PIK3C2B: variants seen among roughly 807,000 people sequenced by gnomAD.
PIK3C2B encodes phosphatidylinositol-4-phosphate 3-kinase catalytic subunit type 2 beta.
Under a neutral mutation model 184.3 loss-of-function variants are expected in PIK3C2B, and 83 were observed. The ratio of observed to expected loss-of-function variants is 0.45; its 90% CI spans 0.38 to 0.54. PIK3C2B has a LOEUF of 0.54. Among genes scored for constraint, PIK3C2B ranks in the 20% least tolerant of loss-of-function variants. The probability of loss-of-function intolerance (pLI) is 0.00; values close to 1 mark genes in which losing one functional copy is unlikely to be tolerated. For synonymous variants in PIK3C2B, 779 were observed against 837.6 expected (o/e 0.93, Z 1.21); for missense variants, 1,736 against 2,113.5 (o/e 0.82, Z 3.50).
At chr1:204,483,198 G>T (rs770890035) in intron 1 of PIK3C2B, among the ~76,000 whole-genome samples, 1 of 152,092 alleles carries the variant, frequency 6.6e-6, no homozygotes, top group Non-Finnish European at 1.5e-5. Context: ...AAAGCAGGAC[G>T]ATCGCTTGAG....
chr1:204,437,853 G>A (rs1877394), intron 23 of PIK3C2B, among the ~76,000 whole-genome samples: 3,309 of 152,278 alleles, frequency 0.022, 70 homozygotes, highest in East Asian at 0.13. Flanking sequence ...TGGGTGAAAC[G>A]TAGGTGGAAA....
chr1:204,491,091 A>G (rs1346091282), intron 1 of PIK3C2B, among the ~76,000 whole-genome samples: 1 of 152,154 alleles, frequency 6.6e-6, no homozygotes, highest in East Asian at 1.9e-4. Flanking sequence ...GGAATCCATT[A>G]AGAATGAATT....
intron 1 of PIK3C2B, among the ~76,000 whole-genome samples, chr1:204,487,728 G>A (rs180820345): frequency 2.0e-5 from 3 of 152,142 alleles, no homozygotes; most frequent in Non-Finnish European, 2.9e-5. Context: ...ATATTAAGAC[G>A]CTGGGAAATG....
chr1:204,468,724 C>G, intron 2 of PIK3C2B, 146 bp downstream of exon 2: 1 of 689,442 alleles, frequency 1.5e-6, no homozygotes, highest in Non-Finnish European at 2.3e-6. Flanking sequence ...TGGACCTCCC[C>G]CACCAGGGCC....
intron 31 of PIK3C2B, among the ~76,000 whole-genome samples, chr1:204,427,070 G>A (rs61758016): frequency 0.14 from 21,482 of 151,872 alleles, 2,021 homozygotes; most frequent in African/African-American, 0.26. Flanking sequence ...CCAGGAGGCG[G>A]AGGTTGCAGT....
intron 1 of PIK3C2B, chr1:204,490,035 G>A (rs1657907887): frequency 5.0e-6 from 2 of 397,452 alleles, no homozygotes; most frequent in Non-Finnish European, 8.9e-6. Context: ...TGAGCCACGT[G>A]TGTGAAACAA....
chr1:204,458,695 T>C (rs971047941), intron 8 of PIK3C2B, among the ~76,000 whole-genome samples: 2 of 152,110 alleles, frequency 1.3e-5, no homozygotes, highest in African/African-American at 4.8e-5. Flanking sequence ...GGCTTCACCA[T>C]GTTGGCCAGG....
intron 14 of PIK3C2B, 100 bp downstream of exon 14, chr1:204,449,085 C>A (rs1654123188): frequency 1.2e-6 from 1 of 803,708 alleles, no homozygotes. Context: ...GAAGTTCTAG[C>A]ACTCTCTCCT....
intron 16 of PIK3C2B, among the ~76,000 whole-genome samples, chr1:204,444,709 T>C (rs1400016235): frequency 1.3e-5 from 2 of 152,200 alleles, no homozygotes; most frequent in African/African-American, 4.8e-5. Flanking sequence ...GTCCTCAACC[T>C]TACTCCAGAG....
chr1:204,469,961 G>A (rs574202463), intron 1 of PIK3C2B, 75 bp from the exon 2 acceptor site: 1 of 602,372 alleles, frequency 1.7e-6, no homozygotes, highest in Non-Finnish European at 3.0e-6. Context: ...TCCAATTTAG[G>A]TGATATTATC....
rs763885754 is a variant in PIK3C2B at position 204,433,771 on chromosome 1, G to A, written c.3843+22C>T. 1.3e-4 allele frequency: 203 copies of A among 1,608,446 alleles called. No homozygotes were observed. Among genetic ancestry groups the A allele is most frequent in the Non-Finnish European group, 1.6e-4 (183 of 1,175,226 alleles). Reference sequence around the variant, plus strand: ...GCCAGATAATAAGAAGAAGGTATTCGGAAAGGGATGGAGCTCCTCACCAGG... The same window carrying A: ...GCCAGATAATAAGAAGAAGGTATTCAGAAAGGGATGGAGCTCCTCACCAGG... On this transcript the variant is annotated intron_variant, in intron 25 of 32. Transcript: ENST00000684373. The surrounding 1 kb of genome is among the most constrained non-coding windows in gnomAD (Gnocchi z 5.0).
chr1:204,468,077 G>T (rs1655964309), intron 2 of PIK3C2B, among the ~76,000 whole-genome samples: 1 of 152,182 alleles, frequency 6.6e-6, no homozygotes, highest in Non-Finnish European at 1.5e-5. Context: ...AAAACTATTT[G>T]TCATACTGCA....
At position 204,469,327 on chromosome 1, in the gene PIK3C2B, A is replaced by G; in HGVS notation, c.476T>C (p.Leu159Pro). The change falls in exon 2 of 33, where the codon CTG becomes CCG. Residue 159 changes from leucine (L) to proline (P), a missense_variant. Transcript: ENST00000684373. ...ATCCCAGATAGAAGCTCGGGGAGGC[A>G]GAGGAGGTGGGGATAGTTTCTTGCA... ...GSCKKLSPPP[L>P]PPRASIWDTP... 1.3e-6 allele frequency: 2 copies of G among 1,531,520 alleles called. No individual in the cohort carries two copies. Among genetic ancestry groups the G allele is most frequent in the South Asian group, 2.6e-5 (2 of 76,470 alleles). The allele number at this position is 1,531,520 out of a possible 1,614,324, so 94.9% of individuals were successfully genotyped here.
chr1:204,466,850 G>C (rs753552226), intron 2 of PIK3C2B: 10 of 532,970 alleles, frequency 1.9e-5, no homozygotes, highest in South Asian at 1.3e-4. Flanking sequence ...GGCAGCAGGG[G>C]TATCAGGCTG....
chr1:204,474,985 T>C (rs758991403), intron 1 of PIK3C2B, among the ~76,000 whole-genome samples: 86 of 152,172 alleles, frequency 5.7e-4, no homozygotes, highest in Non-Finnish European at 1.1e-3. Context: ...TCCTCCTTAA[T>C]ACTTCCCAAA....
chr1:204,439,143 C>A, intron 22 of PIK3C2B, 72 bp from the exon 23 acceptor site: 1 of 1,495,354 alleles, frequency 6.7e-7, no homozygotes. Context: ...ACTACAAGGA[C>A]TGTGCTCATG....
intron 2 of PIK3C2B, among the ~76,000 whole-genome samples, chr1:204,467,833 C>CAAAAA (rs545904416): frequency 0.024 from 2,165 of 88,536 alleles, 389 homozygotes; most frequent in African/African-American, 0.068. Context: ...GACTCTGTCT[C>CAAAAA]AAAAAAAAAA....
At chr1:204,439,936 A>G (rs1675555293) in intron 22 of PIK3C2B, among the ~76,000 whole-genome samples, 1 of 152,154 alleles carries the variant, frequency 6.6e-6, no homozygotes, top group East Asian at 1.9e-4. Flanking sequence ...CCCAAAAAAT[A>G]TTTCCTTACA....
At chr1:204,466,579 C>T (rs1310057334) in intron 2 of PIK3C2B, among the ~76,000 whole-genome samples, 2 of 151,874 alleles carry the variant, frequency 1.3e-5, no homozygotes, top group Non-Finnish European at 2.9e-5. Flanking sequence ...CCAGTCAAAA[C>T]AATAGCACCA....
Sources: allele counts gnomAD v4.1 joint callset (sites outside exome capture counted in the v4.1 genomes callset), GRCh38; gene constraint gnomAD v4.1.1; non-coding constraint Gnocchi (gnomAD v3.1); transcripts MANE v1.5; gene names NCBI Gene and HGNC (gene_info 2026-07-23, HGNC 2026-07-21).